The following CAPN14 variants were observed in gnomAD, a reference collection of about 807,000 sequenced individuals.
CAPN14 encodes calpain-14.
A neutral mutation model predicts 101.3 loss-of-function variants in CAPN14; 94 were observed. The ratio of observed to expected loss-of-function variants is 0.93; its 90% CI spans 0.79 to 1.10. The LOEUF (loss-of-function observed/expected upper bound fraction) is 1.10, where lower values mean the gene tolerates loss of function less well. Among genes scored for constraint, CAPN14 ranks in the 50% least tolerant of loss-of-function variants. CAPN14 has a pLI of 0.00. For synonymous variants in CAPN14, 338 were observed against 317.9 expected (o/e 1.06, Z -0.67); for missense variants, 837 against 828.4 (o/e 1.01, Z -0.13).
At chr2:31,215,861 A>G (rs1050923137) in intron 1 of CAPN14, among the ~76,000 whole-genome samples, 12 of 152,068 alleles carry the variant, frequency 7.9e-5, no homozygotes, top group African/African-American at 2.9e-4. Flanking sequence ...AAAAAAAAAA[A>G]AAAGAAACTA....
At chr2:31,206,667 G>C (rs148363865) in intron 1 of CAPN14, among the ~76,000 whole-genome samples, 2 of 152,146 alleles carry the variant, frequency 1.3e-5, no homozygotes, top group Non-Finnish European at 2.9e-5. Context: ...TTGCCAGTAC[G>C]TGCCCATTCT....
chr2:31,191,430 G>GAAAAAAAAAAA, intron 11 of CAPN14, 23 bp from the exon 12 acceptor site: 1 of 1,277,972 alleles, frequency 7.8e-7, no homozygotes, highest in South Asian at 1.5e-5. Context: ...AACAAAAACA[G>GAAAAAAAAAAA]AAAAAAAAAA....
rs1275823094 is a variant in CAPN14, at chr2:31,189,427, G to A, written c.1339C>T (p.Pro447Ser). 4.5e-6 allele frequency: 7 copies of A among 1,551,694 alleles called. No homozygotes were observed. The highest frequency in any genetic ancestry group is 2.6e-6 in the Non-Finnish European group (3 of 1,146,994). The change falls in exon 13 of 22, where the codon CCT becomes TCT. Residue 447 changes from proline (P) to serine (S), a missense_variant. Physicochemically the swap from Pro to Ser is moderately conservative, Grantham distance 74 (BLOSUM62 -1). Coordinates refer to ENST00000403897, the MANE Select transcript of CAPN14 (RefSeq NM_001145122.2). ...LPPEFFQRNT[P>S]LSQPDRFLKE... is the part of the protein sequence containing the mutation. The stretch of plus-strand genomic sequence containing the variant: ...AGAAACCTATCAGGCTGGCTCAGAG[G>A]AGTGTTTCTCTGGAAGAACTCAGGG...
At chr2:31,188,454 C>T (rs1307980948) in intron 13 of CAPN14, 100 bp from the exon 14 acceptor site, 8 of 1,055,234 alleles carry the variant, frequency 7.6e-6, no homozygotes, top group Non-Finnish European at 1.1e-5. Flanking sequence ...CGTTCCTTCA[C>T]TGAGGCACCA....
intron 1 of CAPN14, among the ~76,000 whole-genome samples, chr2:31,212,957 T>C (rs755667933): frequency 6.6e-6 from 1 of 152,226 alleles, no homozygotes; most frequent in Non-Finnish European, 1.5e-5. Flanking sequence ...AAACCTAGGC[T>C]CTTTGTACAA....
At chr2:31,223,541 T>TC (rs113329761) in intron 2 of CAPN14, among the ~76,000 whole-genome samples, 2 of 136,818 alleles carry the variant, frequency 1.5e-5, no homozygotes, top group Admixed American at 7.4e-5. Context: ...CTTTTTCTTT[T>TC]CTTTTTTTTT....
chr2:31,187,919 C>T, intron 14 of CAPN14, 105 bp from the exon 15 acceptor site: 4 of 893,146 alleles, frequency 4.5e-6, no homozygotes, highest in Non-Finnish European at 7.0e-6. Context: ...AATCCATGAG[C>T]TTGACTTTGC....
chr2:31,181,385 T>TC, intron 16 of CAPN14, among the ~76,000 whole-genome samples: 2 of 121,258 alleles, frequency 1.6e-5, no homozygotes, highest in African/African-American at 7.4e-5. Context: ...CTCTTTTCTT[T>TC]TTTTCTTTCT....
At chr2:31,206,025 T>TA (rs1558630064) in intron 1 of CAPN14, among the ~76,000 whole-genome samples, 3 of 131,594 alleles carry the variant, frequency 2.3e-5, no homozygotes, top group South Asian at 5.6e-4. Flanking sequence ...ATCTTTATTT[T>TA]TTTTATTTAT....
Position 31,197,640 on chromosome 2 carries a change from C to A in CAPN14, c.790-306G>T, listed in dbSNP as rs7595550. ...GATATGTACACTTAGAACCTGTGAA[C>A]ATGACCCTATTTGGAAAAAGGATCT... On this transcript the variant is annotated intron_variant, in intron 7 of 21. Coordinates refer to ENST00000403897, the MANE Select transcript of CAPN14 (RefSeq NM_001145122.2). 0.15 allele frequency among the ~76,000 whole-genome samples: 23,361 copies of A among 152,288 alleles called. 2,154 individuals carry two copies. Among genetic ancestry groups the A allele is most frequent in the East Asian group, 0.35 (1,835 of 5,176 alleles).
chr2:31,195,285 A>T (rs1247229011), intron 8 of CAPN14, among the ~76,000 whole-genome samples: 1 of 152,248 alleles, frequency 6.6e-6, no homozygotes, highest in Non-Finnish European at 1.5e-5. Context: ...AGCAGGACAC[A>T]GTGCTGGGAA....
intron 2 of CAPN14, among the ~76,000 whole-genome samples, chr2:31,224,931 T>A (rs570457522): frequency 2.0e-5 from 3 of 152,078 alleles, no homozygotes; most frequent in Admixed American, 6.5e-5. Context: ...ATTAAAAATA[T>A]GTCATTCCTA....
Position 31,229,946 on chromosome 2 carries a change from C to A in CAPN14, c.-176-3295G>T, listed in dbSNP as rs758591031. ...GTATGATTCTATGCATAATAGCCTA[C>A]TTCTGGCTTTATTCACTCAACACCA... is the stretch of plus-strand genomic sequence containing the variant. On this transcript the variant is annotated intron_variant and NMD_transcript_variant, in intron 1 of 21. Coordinates refer to the CAPN14 transcript ENST00000398824. 7.9e-5 allele frequency among the ~76,000 whole-genome samples: 12 copies of A among 152,204 alleles called. 1 individual carries two copies. The highest frequency in any genetic ancestry group is 6.5e-4 in the Admixed American group (10 of 15,286).
intron 21 of CAPN14, among the ~76,000 whole-genome samples, chr2:31,175,339 T>C (rs1388241927): frequency 1.3e-5 from 2 of 152,160 alleles, no homozygotes; most frequent in Non-Finnish European, 2.9e-5. Context: ...ATTTCACCTG[T>C]GGGGCAGCTG....
At position 31,173,999 on chromosome 2, in the gene CAPN14, G is replaced by GC. The variant is rs1164418724; in HGVS notation, c.*681dup. On this transcript the variant is annotated 3_prime_UTR_variant, in exon 22 of 22. Coordinates refer to ENST00000403897, the MANE Select transcript of CAPN14 (RefSeq NM_001145122.2). ...TAGACACACCTGTCACAAGCAGGAAGCCCTTTGAGAACTCAGGTGTTTTAA... is the reference window on the plus strand; with the variant it reads ...TAGACACACCTGTCACAAGCAGGAAGCCCCTTTGAGAACTCAGGTGTTTTAA... 3.3e-5 allele frequency: 5 copies of GC among 152,408 alleles called. No homozygotes were observed. Among genetic ancestry groups the GC allele is most frequent in the African/African-American group, 9.7e-5 (4 of 41,432 alleles). 9.4% of individuals were successfully genotyped at this position (152,408 alleles called of 1,614,324 possible).
Position 31,182,773 on chromosome 2 carries a change from T to C in CAPN14, c.1646-1773A>G, listed in dbSNP as rs1336060118. Among the ~76,000 whole-genome samples, 903 of 151,132 alleles carry C rather than the reference T, an allele frequency of 6.0e-3. 8 individuals are homozygous for C. Among genetic ancestry groups the C allele is most frequent in the African/African-American group, 0.021 (833 of 40,570 alleles). ...TGGCCATACTGCCTAAGGCAATTTA[T>C]AGATTCAATGCCATCCCCATCAAGC... On this transcript the variant is annotated intron_variant, in intron 16 of 21. Transcript: ENST00000403897.
chr2:31,192,178 G>C (rs1681228182), intron 10 of CAPN14, 80 bp from the exon 11 acceptor site: 1 of 1,406,494 alleles, frequency 7.1e-7, no homozygotes. Context: ...GAGGTGAACA[G>C]TCTGAGGACG....
chr2:31,176,961 G>T (rs1680328526), intron 20 of CAPN14, 65 bp downstream of exon 20: 1 of 1,183,254 alleles, frequency 8.5e-7, no homozygotes, highest in East Asian at 2.6e-5. Context: ...TTAAACTAGG[G>T]ACAGGTGGGA....
chr2:31,191,535 A>G (rs1681178346), intron 11 of CAPN14, 128 bp from the exon 12 acceptor site: 1 of 859,318 alleles, frequency 1.2e-6, no homozygotes, highest in Non-Finnish European at 1.8e-6. Context: ...TCTACCCAGA[A>G]GCCGTGTCCC....
Sources: allele counts gnomAD v4.1 joint callset (sites outside exome capture counted in the v4.1 genomes callset), GRCh38; gene constraint gnomAD v4.1.1; transcripts MANE v1.5; gene names NCBI Gene and HGNC (gene_info 2026-07-23, HGNC 2026-07-21).